The following GRIK4 variants were observed in gnomAD, a reference collection of about 807,000 sequenced individuals.
The protein encoded by GRIK4 is glutamate ionotropic receptor kainate type subunit 4.
In GRIK4, 40 loss-of-function variants were observed where a neutral mutation model predicts 104.9. The ratio of observed to expected loss-of-function variants is 0.38; its 90% CI spans 0.30 to 0.50. The LOEUF is 0.50. Among genes scored for constraint, GRIK4 ranks in the 20% least tolerant of loss-of-function variants. The pLI is 0.93. For missense variants in GRIK4, 1,047 were observed against 1,308.1 expected (o/e 0.80, Z 3.08); for synonymous variants, 485 against 524.9 (o/e 0.92, Z 1.04).
In GRIK4 at chr11:120,513,094, A is replaced by G. The variant is rs1181059073; in HGVS notation, c.-159+1207A>G. ...GTGGCTCTCCTGGGCATGTCTCCCA[A>G]GGGTCTGGGTTGTCTGGGAAGAGGA... On this transcript the variant is annotated intron_variant, in intron 1 of 20. Coordinates refer to ENST00000527524, the MANE Select transcript of GRIK4 (RefSeq NM_014619.5). The surrounding 1 kb of genome is among the most constrained non-coding windows in gnomAD (Gnocchi z 4.5). Among the ~76,000 whole-genome samples, 7 of 151,888 alleles carry G rather than the reference A, an allele frequency of 4.6e-5. No homozygotes were observed. Among genetic ancestry groups the G allele is most frequent in the Admixed American group, 2.6e-4 (4 of 15,254 alleles).
chr11:120,901,585 C>T (rs936310295), intron 12 of GRIK4, among the ~76,000 whole-genome samples: 2 of 152,118 alleles, frequency 1.3e-5, no homozygotes, highest in African/African-American at 4.8e-5. Flanking sequence ...ATGAGAGCTC[C>T]TCGAAGGTAG....
Position 120,627,264 on chromosome 11 carries a change from G to A in GRIK4, c.-158-26421G>A, listed in dbSNP as rs142720831. Among the ~76,000 whole-genome samples, 311 of 152,266 alleles carry A rather than the reference G, an allele frequency of 2.0e-3. 2 individuals carry two copies. The highest frequency in any genetic ancestry group is 7.1e-3 in the African/African-American group (295 of 41,552). On this transcript the variant is annotated intron_variant, in intron 1 of 20. Coordinates refer to ENST00000527524, the MANE Select transcript of GRIK4 (RefSeq NM_014619.5). ...TCATTCACAAGAAATTATCATTCTC[G>A]CCATTTACTTACAAAACTGATTTTA...
intron 8 of GRIK4, among the ~76,000 whole-genome samples, chr11:120,838,336 G>A (rs1239302148): frequency 1.3e-5 from 2 of 152,250 alleles, no homozygotes; most frequent in East Asian, 3.9e-4. Context: ...AGGATTAACT[G>A]GAATTCTGTA....
At position 120,883,864 on chromosome 11, in the gene GRIK4, T is replaced by C. The variant is rs1294271931; in HGVS notation, c.1164+8621T>C. Among the ~76,000 whole-genome samples the C allele has an allele frequency of 4.6e-5, 7 of 152,348 alleles. No homozygotes were observed. The South Asian group carries it at 6.2e-4, about 14-fold the overall frequency. The stretch of plus-strand genomic sequence containing the variant: ...GCCAGTTCCCAGTGACTCTTTTCCG[T>C]GCCTCTTCAGCCAGCTCATGCCTGG... On this transcript the variant is annotated intron_variant, in intron 11 of 20. Transcript: ENST00000527524.
intron 6 of GRIK4, among the ~76,000 whole-genome samples, chr11:120,820,383 C>A (rs1010578338): frequency 6.6e-6 from 1 of 152,190 alleles, no homozygotes; most frequent in African/African-American, 2.4e-5. Flanking sequence ...ACTTCTTCCC[C>A]TGGAGAGCAG....
At chr11:120,700,132 TTGTG>T (rs141115911) in intron 3 of GRIK4, among the ~76,000 whole-genome samples, 13,185 of 152,234 alleles carry the variant, frequency 0.087, 633 homozygotes, top group South Asian at 0.12. Context: ...GTTGGTTTTT[TTGTG>T]TGTGACAGGA....
At chr11:120,713,895 G>T (rs1950782591) in intron 3 of GRIK4, among the ~76,000 whole-genome samples, 1 of 152,158 alleles carries the variant, frequency 6.6e-6, no homozygotes, top group Admixed American at 6.5e-5. Flanking sequence ...GAGTGGATTT[G>T]CTGCGGACTC....
chr11:120,714,715 TGAAG>T (rs1205549069), intron 3 of GRIK4, among the ~76,000 whole-genome samples: 1 of 152,140 alleles, frequency 6.6e-6, no homozygotes, highest in Non-Finnish European at 1.5e-5. Flanking sequence ...TTACTCTAGA[TGAAG>T]GGGACATGGA....
intron 3 of GRIK4, among the ~76,000 whole-genome samples, chr11:120,719,584 C>T (rs539314394): frequency 6.6e-6 from 1 of 152,278 alleles, no homozygotes; most frequent in Admixed American, 6.5e-5. Context: ...TCCTAGAGGC[C>T]TAGTGAGCTG....
chr11:120,798,468 T>C (rs1952564222), intron 3 of GRIK4, among the ~76,000 whole-genome samples: 1 of 151,966 alleles, frequency 6.6e-6, no homozygotes, highest in African/African-American at 2.4e-5. Context: ...GGTTTTGTTT[T>C]TGTTTTTGTT....
At chr11:120,569,576 A>AT (rs912434494) in intron 1 of GRIK4, among the ~76,000 whole-genome samples, 8 of 151,960 alleles carry the variant, frequency 5.3e-5, no homozygotes, top group Non-Finnish European at 8.8e-5. Flanking sequence ...AATGTCAGGG[A>AT]TTTTTTTGTT....
At chr11:120,714,480 G>A (rs1334806722) in intron 3 of GRIK4, among the ~76,000 whole-genome samples, 1 of 152,212 alleles carries the variant, frequency 6.6e-6, no homozygotes, top group African/African-American at 2.4e-5. Flanking sequence ...TGGTACATGG[G>A]GAGAAGTGGT....
intron 3 of GRIK4, among the ~76,000 whole-genome samples, chr11:120,684,523 A>T (rs1178805604): frequency 2.0e-5 from 3 of 152,234 alleles, no homozygotes; most frequent in Non-Finnish European, 4.4e-5. Flanking sequence ...AAAGTGAATG[A>T]CAGTGCAAGA....
intron 3 of GRIK4, among the ~76,000 whole-genome samples, chr11:120,689,842 C>G (rs1272156329): frequency 2.0e-5 from 3 of 152,306 alleles, no homozygotes; most frequent in South Asian, 4.1e-4. Flanking sequence ...AGGGCAAACT[C>G]CTTGAAGGCA....
intron 3 of GRIK4, among the ~76,000 whole-genome samples, chr11:120,797,338 G>A (rs1001329682): frequency 3.9e-5 from 6 of 152,146 alleles, no homozygotes; most frequent in African/African-American, 7.2e-5. Flanking sequence ...GACTCGGAGC[G>A]TCCCAGCCCA....
chr11:120,897,801 A>AT (rs1319455425), intron 11 of GRIK4, among the ~76,000 whole-genome samples: 1 of 151,720 alleles, frequency 6.6e-6, no homozygotes, highest in Admixed American at 6.6e-5. Flanking sequence ...TATTATCCCC[A>AT]TTTTTTAGAT....
chr11:120,736,799 C>A (rs527562551), intron 3 of GRIK4, among the ~76,000 whole-genome samples: 1 of 152,078 alleles, frequency 6.6e-6, no homozygotes, highest in African/African-American at 2.4e-5. Context: ...CCCTGCCCAC[C>A]TCTGTTCACT....
intron 8 of GRIK4, among the ~76,000 whole-genome samples, chr11:120,848,615 T>C (rs559614014): frequency 2.3e-4 from 35 of 152,284 alleles, no homozygotes; most frequent in Middle Eastern, 3.4e-3. Flanking sequence ...TCATCTGCTC[T>C]CCACCCACAG....
chr11:120,517,822 C>T (rs893687448), intron 1 of GRIK4, among the ~76,000 whole-genome samples: 1 of 151,916 alleles, frequency 6.6e-6, no homozygotes, highest in Non-Finnish European at 1.5e-5. Flanking sequence ...GGCCTGGGAG[C>T]GTGACTAGGG....
Sources: allele counts gnomAD v4.1 joint callset (sites outside exome capture counted in the v4.1 genomes callset), GRCh38; gene constraint gnomAD v4.1.1; non-coding constraint Gnocchi (gnomAD v3.1); transcripts MANE v1.5; gene names NCBI Gene and HGNC (gene_info 2026-07-23, HGNC 2026-07-21).